LARS1: variants seen among roughly 807,000 people sequenced by gnomAD.
LARS1 encodes leucyl-tRNA synthetase 1.
In LARS1, 100 loss-of-function variants were observed where a neutral mutation model predicts 162.8. The ratio of observed to expected loss-of-function variants is 0.61; its 90% confidence interval spans 0.52 to 0.73. The LOEUF (loss-of-function observed/expected upper bound fraction) is 0.73. Among genes scored for constraint, LARS1 ranks in the 30% least tolerant of loss-of-function variants. LARS1 has a pLI of 0.00. For missense variants in LARS1, 1,258 were observed against 1,408.9 expected (o/e 0.89, Z 1.71); for synonymous variants, 457 against 462.8 (o/e 0.99, Z 0.16).
chr5:146,174,424 A>G, intron 2 of LARS1, among the ~76,000 whole-genome samples: 1 of 143,248 alleles, frequency 7.0e-6, no homozygotes, highest in Non-Finnish European at 1.5e-5. Context: ...CAGCCTGGGC[A>G]ACAACAGCAA....
At chr5:146,119,980 C>T (rs1032073125) in intron 31 of LARS1, among the ~76,000 whole-genome samples, 8 of 152,162 alleles carry the variant, frequency 5.3e-5, no homozygotes, top group African/African-American at 1.7e-4. Flanking sequence ...TACTCTGTTT[C>T]TCTTCCTTCT....
intron 21 of LARS1, chr5:146,139,151 G>A (rs1752645421): frequency 1.0e-5 from 2 of 192,780 alleles, no homozygotes; most frequent in South Asian, 1.6e-4. Flanking sequence ...AGACCAGCCT[G>A]GCCAACATGG....
At chr5:146,116,632 G>A (rs1177280347) in intron 31 of LARS1, among the ~76,000 whole-genome samples, 1 of 152,194 alleles carries the variant, frequency 6.6e-6, no homozygotes, top group Non-Finnish European at 1.5e-5. Context: ...AAGGCTCTTA[G>A]AGAAAAGATG....
intron 10 of LARS1, 96 bp from the exon 11 acceptor site, chr5:146,154,076 A>G (rs1372379988): frequency 6.4e-6 from 5 of 775,916 alleles, no homozygotes; most frequent in Non-Finnish European, 1.0e-5. Context: ...AGAAGCTAGT[A>G]ATCAAAAATA....
At chr5:146,126,894 A>C (rs1752074632) in intron 27 of LARS1, among the ~76,000 whole-genome samples, 1 of 152,116 alleles carries the variant, frequency 6.6e-6, no homozygotes, top group Admixed American at 6.6e-5. Context: ...TTACACAACT[A>C]TCATACAAGT....
At chr5:146,182,411 G>T in intron 1 of LARS1, 77 bp downstream of exon 1, 3 of 1,575,122 alleles carry the variant, frequency 1.9e-6, no homozygotes, top group Non-Finnish European at 2.6e-6. Context: ...TTCCCTTCAG[G>T]ACAGCACATG....
chr5:146,169,489 TTGAG>T (rs898846817), intron 4 of LARS1, among the ~76,000 whole-genome samples: 2 of 152,126 alleles, frequency 1.3e-5, no homozygotes, highest in Non-Finnish European at 2.9e-5. Context: ...ACCAGGGTTA[TTGAG>T]TAACAGGACA....
intron 4 of LARS1, among the ~76,000 whole-genome samples, chr5:146,170,302 A>G (rs935981987): frequency 2.6e-5 from 4 of 152,136 alleles, no homozygotes; most frequent in African/African-American, 9.7e-5. Flanking sequence ...CCCTGTTTAC[A>G]CTAAAAATAC....
At position 146,149,075 on chromosome 5, in the gene LARS1, C is replaced by CA. The variant is rs879283325; in HGVS notation, c.1503+546dup. On this transcript the variant is annotated intron_variant, in intron 15 of 31. Transcript: ENST00000394434. ...GTGTAACAAGAGCGAAACTCCATCT[C>CA]AAAAAAAAAAGAGCTGGAGATCAAT... 6.6e-3 allele frequency among the ~76,000 whole-genome samples: 958 copies of CA among 144,476 alleles called. 6 individuals carry two copies. Among genetic ancestry groups the CA allele is most frequent in the Non-Finnish European group, 8.7e-3 (572 of 65,812 alleles). 94.8% of individuals were successfully genotyped at this position (144,476 alleles called of 152,430 possible).
At chr5:146,122,333 C>T (rs1751862404) in intron 30 of LARS1, among the ~76,000 whole-genome samples, 159 bp downstream of exon 30, 1 of 152,068 alleles carries the variant, frequency 6.6e-6, no homozygotes, top group African/African-American at 2.4e-5. Context: ...TCAGGTACAT[C>T]CCCATTTCTA....
Position 146,131,094 on chromosome 5 carries a change from T to A in LARS1, c.2412A>T (p.Gly804=). 6.4e-7 allele frequency: 1 copy of A among 1,566,590 alleles called. No homozygotes were observed. Among genetic ancestry groups the A allele is most frequent in the Non-Finnish European group, 8.7e-7 (1 of 1,145,190 alleles). ...DRVFASELNA[G]IIKTDQNYEK... Reference sequence around the variant, plus strand: ...CATAGTTTTGATCTGTTTTTATAATTCCTGCATTCAATTCACTATTGAATA... The same window carrying A: ...CATAGTTTTGATCTGTTTTTATAATACCTGCATTCAATTCACTATTGAATA... The change falls in exon 24 of 32, where the codon GGA becomes GGT. Residue 804 remains glycine (G), a synonymous_variant. Coordinates refer to ENST00000394434, the MANE Select transcript of LARS1 (RefSeq NM_020117.11).
chr5:146,114,751 C>A (rs1373801815), intron 31 of LARS1, among the ~76,000 whole-genome samples: 5 of 151,492 alleles, frequency 3.3e-5, no homozygotes, highest in African/African-American at 9.7e-5. Context: ...AACAAACAAA[C>A]AAAAAAAGCA....
At chr5:146,134,923 T>C (rs1752441045) in intron 22 of LARS1, among the ~76,000 whole-genome samples, 1 of 152,108 alleles carries the variant, frequency 6.6e-6, no homozygotes, top group African/African-American at 2.4e-5. Context: ...TACTCCAGCC[T>C]GGGTGACAGA....
intron 8 of LARS1, 135 bp from the exon 9 acceptor site, chr5:146,157,930 T>C (rs1753605816): frequency 2.5e-6 from 2 of 784,916 alleles, no homozygotes; most frequent in African/African-American, 1.7e-5. Flanking sequence ...AGAGAAGAGA[T>C]TGCCAGTGGT....
intron 13 of LARS1, among the ~76,000 whole-genome samples, chr5:146,152,209 T>C (rs943698587): frequency 2.0e-5 from 3 of 152,122 alleles, no homozygotes; most frequent in African/African-American, 7.2e-5. Context: ...ACCCATACTC[T>C]GTGTACCAAC....
In LARS1 at chr5:146,157,427, A is replaced by T. The variant is rs1753578961; in HGVS notation, c.1041T>A (p.Pro347=). Residue 347 remains proline (P), a synonymous_variant, in exon 10 of 32, where the codon CCT becomes CCA. Coordinates refer to ENST00000394434, the MANE Select transcript of LARS1 (RefSeq NM_020117.11). The stretch of plus-strand genomic sequence containing the variant: ...CCTCCCCCATTAATTCCTTAACAAC[A>T]GGCACCACGCCATTGTCTTTGGTAA... ...QGFTKDNGVV[P]VVKELMGEEI... The T allele has an allele frequency of 6.2e-7, 1 of 1,614,034 alleles. No individual in the cohort carries two copies. Among genetic ancestry groups the T allele is most frequent in the African/African-American group, 1.3e-5 (1 of 74,936 alleles).
chr5:146,178,332 G>T lies in LARS1; in HGVS notation c.7-667C>A, dbSNP rs913759835. 1.5e-4 allele frequency among the ~76,000 whole-genome samples: 23 copies of T among 151,576 alleles called. 1 individual carries two copies. In the East Asian group the frequency reaches 4.5e-3, roughly 30 times the overall value. The stretch of plus-strand genomic sequence containing the variant: ...GTTCATATGAAATTTAAATAAAACA[G>T]GCTGGACACGGTGGCTCACGCCTGT... On this transcript the variant is annotated intron_variant, in intron 1 of 31. Coordinates refer to ENST00000394434, the MANE Select transcript of LARS1 (RefSeq NM_020117.11).
chr5:146,149,555 T>A, intron 15 of LARS1, 67 bp downstream of exon 15: 3 of 1,116,682 alleles, frequency 2.7e-6, no homozygotes, highest in Non-Finnish European at 4.1e-6. Flanking sequence ...AACTCACTGC[T>A]AATAACACTG....
chr5:146,142,152 C>T (rs1752809140), intron 20 of LARS1, among the ~76,000 whole-genome samples: 1 of 151,904 alleles, frequency 6.6e-6, no homozygotes, highest in Admixed American at 6.6e-5. Context: ...AAGAGCAAAC[C>T]TCTGTCTCAA....
Sources: gnomAD v4.1 joint callset for allele counts (sites outside exome capture counted in the v4.1 genomes callset) on GRCh38, gnomAD v4.1.1 for gene constraint, MANE v1.5 for transcripts, NCBI Gene and HGNC (gene_info 2026-07-23, HGNC 2026-07-21) for gene names.